Variants in CNOT10 observed in about 807,000 individuals in gnomAD.
CNOT10 encodes the protein CCR4-NOT transcription complex subunit 10, also known as CCR4-NOT transcription complex, subunit 10.
In CNOT10, 30 loss-of-function variants were observed where a neutral mutation model predicts 94.6. The observed-to-expected ratio is 0.32, with a 90% CI of 0.24 to 0.43. The LOEUF (loss-of-function observed/expected upper bound fraction) is 0.43, where lower values mean the gene tolerates loss of function less well. Ranked by LOEUF, CNOT10 falls within the 20% of genes least tolerant of loss-of-function variation. The pLI, the probability that CNOT10 is intolerant of heterozygous loss-of-function variation, is 1.00. For missense variants in CNOT10, 759 were observed against 877.2 expected (o/e 0.87, Z 1.70); for synonymous variants, 289 against 301.6 (o/e 0.96, Z 0.43).
At position 32,687,439 on chromosome 3, in the gene CNOT10, G is replaced by GTTTTTTTTTTT. The variant is rs201119069; in HGVS notation, c.22+1959_22+1969dup. On this transcript the variant is annotated intron_variant, in intron 1 of 18. Transcript: ENST00000328834. ...TTCTTTCTCCTTTTAAGTCCTCACGGTTTTTTTTTTTTGTTTTTTTTTTTT... is the reference window on the plus strand; with the variant it reads ...TTCTTTCTCCTTTTAAGTCCTCACGGTTTTTTTTTTTTTTTTTTTTTTTGTTTTTTTTTTTT... Among the ~76,000 whole-genome samples, 49 of 51,298 alleles carry GTTTTTTTTTTT rather than the reference G, an allele frequency of 9.6e-4. 3 individuals are homozygous for GTTTTTTTTTTT. The highest frequency in any genetic ancestry group is 1.8e-3 in the Admixed American group (5 of 2,834). 33.7% of individuals were successfully genotyped at this position (51,298 alleles called of 152,430 possible). A position where few individuals can be genotyped will look rare whatever the true frequency, so the allele number is the denominator to read the frequency against.
Position 32,704,892 on chromosome 3 carries a change from A to G in CNOT10, c.199A>G (p.Thr67Ala), listed in dbSNP as rs895501361. The change falls in exon 3 of 19, where the codon ACA (threonine) becomes GCA (alanine). Residue 67 changes from threonine (T) to alanine (A), a missense_variant. Transcript: ENST00000328834. The stretch of plus-strand genomic sequence containing the variant: ...AGATGATTATAAAATAATTTTGAAT[A>G]CAGCAGTAGCTGAGTTTTTTAAAAG... ...NKDDYKIILN[T>A]AVAEFFKSNQ... 2 of 1,574,832 alleles carry G rather than the reference A, an allele frequency of 1.3e-6. No homozygotes were observed. Among genetic ancestry groups the G allele is most frequent in the Non-Finnish European group, 8.6e-7 (1 of 1,168,164 alleles).
chr3:32,686,295 C>T (rs1442715647), intron 1 of CNOT10, among the ~76,000 whole-genome samples: 1 of 152,054 alleles, frequency 6.6e-6, no homozygotes, highest in Non-Finnish European at 1.5e-5. Flanking sequence ...TTGGAAAGAA[C>T]TTAAGTGACA....
chr3:32,717,436 A>G (rs1698172988), intron 7 of CNOT10, among the ~76,000 whole-genome samples, 199 bp downstream of exon 7: 1 of 151,848 alleles, frequency 6.6e-6, no homozygotes, highest in Admixed American at 6.6e-5. Flanking sequence ...TACAACAAGC[A>G]CTTTTCTATT....
chr3:32,685,335 G>A lies in CNOT10; in HGVS notation c.-126G>A. 8.8e-7 allele frequency: 1 copy of A among 1,138,404 alleles called. No individual in the cohort carries two copies. 70.5% of individuals were successfully genotyped at this position (1,138,404 alleles called of 1,614,324 possible). A position where few individuals can be genotyped will look rare whatever the true frequency, so the allele number is the denominator to read the frequency against. On this transcript the variant is annotated 5_prime_UTR_variant, in exon 1 of 19. Coordinates refer to ENST00000328834, the MANE Select transcript of CNOT10 (RefSeq NM_015442.3). ...CGCCGTCTGCCCACTCCTCTAGCCG[G>A]AACCTGGGGGCCCGGAGCCGGGGTA...
rs1451154307 is a variant in CNOT10, at chr3:32,718,552, C to T, written c.744+1315C>T. ...TGAGCCGAGACCGCGCCACTGCACT[C>T]CAGCCTGGGCGACAGAACAAGACTC... On this transcript the variant is annotated intron_variant, in intron 7 of 18. Transcript: ENST00000328834. Among the ~76,000 whole-genome samples, 48 of 139,888 alleles carry T rather than the reference C, an allele frequency of 3.4e-4. 1 individual carries two copies. Among genetic ancestry groups the T allele is most frequent in the Non-Finnish European group, 4.5e-5 (3 of 65,944 alleles). The allele number at this position is 139,888 out of a possible 152,430, so 91.8% of individuals were successfully genotyped here. A position where few individuals can be genotyped will look rare whatever the true frequency, so the allele number is the denominator to read the frequency against.
chr3:32,719,355 G>A (rs1698269334), intron 7 of CNOT10, among the ~76,000 whole-genome samples: 1 of 152,234 alleles, frequency 6.6e-6, no homozygotes, highest in African/African-American at 2.4e-5. Flanking sequence ...AGGAGGCGGA[G>A]GTTGCAGTGA....
intron 8 of CNOT10, among the ~76,000 whole-genome samples, chr3:32,721,133 C>T (rs114123147): frequency 0.022 from 3,070 of 138,536 alleles, 60 homozygotes; most frequent in Middle Eastern, 0.09. Flanking sequence ...CATCTTGGCT[C>T]ACTACAGCCT....
chr3:32,755,757 C>CTTTTTTTTTTTTTT (rs66705516), intron 13 of CNOT10, among the ~76,000 whole-genome samples: 1 of 141,244 alleles, frequency 7.1e-6, no homozygotes, highest in Non-Finnish European at 1.5e-5. Flanking sequence ...TTTTCCTTTC[C>CTTTTTTTTTTTTTT]TTTTTTTTTT....
chr3:32,712,939 C>T (rs369682523), intron 4 of CNOT10, among the ~76,000 whole-genome samples: 14 of 152,228 alleles, frequency 9.2e-5, no homozygotes, highest in Middle Eastern at 3.4e-3. Flanking sequence ...GGTTTCTTTC[C>T]GCCTAAAGTA....
At chr3:32,733,338 A>C in intron 10 of CNOT10, 85 bp from the exon 11 acceptor site, 4 of 1,059,106 alleles carry the variant, frequency 3.8e-6, no homozygotes, top group Non-Finnish European at 5.4e-6. Context: ...TTAAATTTAG[A>C]GTAATTGTGA....
chr3:32,714,407 A>T (rs910881758), intron 5 of CNOT10, among the ~76,000 whole-genome samples: 1 of 143,878 alleles, frequency 7.0e-6, no homozygotes, highest in African/African-American at 2.6e-5. Context: ...AAGTTCTTCA[A>T]AAAAAAAAAA....
In CNOT10 at chr3:32,773,552, C is replaced by A; in HGVS notation, c.2176C>A (p.Pro726Thr). ...AGTGAGAAAGAAGCCAGTGTTTCAGCCTGTCCACCCGATCCAGCCCATCCA... is the reference window on the plus strand; with the variant it reads ...AGTGAGAAAGAAGCCAGTGTTTCAGACTGTCCACCCGATCCAGCCCATCCA... Reference protein sequence around the residue: ...SEVRKKPVFQPVHPIQPIQMP... With the variant: ...SEVRKKPVFQTVHPIQPIQMP... Residue 726 changes from proline (P) to threonine (T), a missense_variant, in exon 19 of 19, where the codon CCT becomes ACT. Pro to Thr is a conservative substitution (Grantham distance 38). This residue lies in a region of CNOT10 where 73 missense variants were observed against 61.0 expected (regional missense o/e 1.20). Coordinates refer to ENST00000328834, the MANE Select transcript of CNOT10 (RefSeq NM_015442.3). The A allele has an allele frequency of 6.2e-7, 1 of 1,614,204 alleles. No homozygotes were observed. The highest frequency in any genetic ancestry group is 8.5e-7 in the Non-Finnish European group (1 of 1,180,024).
At chr3:32,760,064 C>G (rs1199867458) in intron 14 of CNOT10, among the ~76,000 whole-genome samples, 1 of 151,744 alleles carries the variant, frequency 6.6e-6, no homozygotes, top group Non-Finnish European at 1.5e-5. Flanking sequence ...CACCTGTAAT[C>G]CCAGCTACTC....
intron 10 of CNOT10, chr3:32,730,783 A>T (rs1254300357): frequency 6.6e-6 from 1 of 152,226 alleles, no homozygotes; most frequent in African/African-American, 2.4e-5. Flanking sequence ...GGTACATATT[A>T]TTTCAGACTT....
chr3:32,733,593 CATA>C lies in CNOT10; in HGVS notation c.1337+52_1337+54del, dbSNP rs202010717. On this transcript the variant is annotated intron_variant, in intron 11 of 18. Coordinates refer to ENST00000328834, the MANE Select transcript of CNOT10 (RefSeq NM_015442.3). ...TGTATATATATTTAATACTAGTTTA[CATA>C]ATGTTACTTATATATAAAAGTATGA... 8,626 of 1,195,592 alleles carry C rather than the reference CATA, an allele frequency of 7.2e-3. 291 individuals are homozygous for C. The East Asian group carries it at 0.075, about 10-fold the overall frequency. 74.1% of individuals were successfully genotyped at this position (1,195,592 alleles called of 1,614,324 possible).
At chr3:32,691,431 G>T (rs1419981659) in intron 1 of CNOT10, among the ~76,000 whole-genome samples, 1 of 151,886 alleles carries the variant, frequency 6.6e-6, no homozygotes, top group Admixed American at 6.6e-5. Context: ...AAAGTGCTGG[G>T]ATTAACAGAC....
chr3:32,717,659 A>C (rs113734680), intron 7 of CNOT10, among the ~76,000 whole-genome samples: 5,699 of 152,224 alleles, frequency 0.037, 172 homozygotes, highest in Middle Eastern at 0.075. Context: ...TGAGGTCAGG[A>C]GTTCAAGACC....
intron 13 of CNOT10, among the ~76,000 whole-genome samples, chr3:32,738,908 CTT>C (rs767544887): frequency 1.6e-4 from 22 of 137,280 alleles, no homozygotes; most frequent in Non-Finnish European, 1.8e-4. Flanking sequence ...TATTTTCTTT[CTT>C]TTTTTTTTTT....
chr3:32,705,848 G>C (rs551116029), intron 3 of CNOT10, among the ~76,000 whole-genome samples: 2 of 152,222 alleles, frequency 1.3e-5, no homozygotes, highest in East Asian at 3.9e-4. Context: ...CAGGCTCTCT[G>C]TAATCCTTTA....
Sources: gnomAD v4.1 joint callset for allele counts (sites outside exome capture counted in the v4.1 genomes callset) on GRCh38, gnomAD v4.1.1 for gene constraint, gnomAD v4.1.1 regional missense constraint, MANE v1.5 for transcripts, NCBI Gene and HGNC (gene_info 2026-07-23, HGNC 2026-07-21) for gene names.